The following PM20D2 variants were observed in gnomAD, a reference collection of about 807,000 sequenced individuals.
PM20D2 encodes peptidase M20 domain containing 2.
In PM20D2, 33 loss-of-function variants were observed where a neutral mutation model predicts 42.9. That is an observed-to-expected ratio of 0.77 (90% CI 0.58 to 1.03). The LOEUF is 1.03. Ranked by LOEUF, PM20D2 falls within the 50% of genes least tolerant of loss-of-function variation. PM20D2 has a pLI of 0.00. For missense variants in PM20D2, 548 were observed against 557.0 expected, an observed-to-expected ratio of 0.98 and a Z score of 0.16; for synonymous variants, 250 against 228.2, an observed-to-expected ratio of 1.10 and a Z score of -0.86.
At chr6:89,119,976 G>C in the PM20D2 span, among the ~76,000 whole-genome samples, 1 of 152,154 alleles carries the variant, frequency 6.6e-6, no homozygotes, top group Non-Finnish European at 1.5e-5. Flanking sequence ...ACATACCCAA[G>C]ACTGGGGAGG....
chr6:89,111,678 G>C, the PM20D2 span, among the ~76,000 whole-genome samples: 1 of 152,000 alleles, frequency 6.6e-6, no homozygotes, highest in African/African-American at 2.4e-5. Context: ...ATAAAACGTT[G>C]GCGGTTGTGA....
upstream of PM20D2, among the ~76,000 whole-genome samples, chr6:89,145,296 T>C (rs911177928): frequency 6.6e-6 from 1 of 152,342 alleles, no homozygotes; most frequent in Middle Eastern, 3.4e-3. Flanking sequence ...GCTGCACATA[T>C]CATGTTAGTG....
At chr6:89,139,679 G>C in the PM20D2 span, among the ~76,000 whole-genome samples, 2 of 152,122 alleles carry the variant, frequency 1.3e-5, no homozygotes, top group Admixed American at 1.3e-4. Context: ...CTGCACTCTG[G>C]CCCGCGTGGC....
At chr6:89,124,091 C>T in the PM20D2 span, among the ~76,000 whole-genome samples, 1 of 152,174 alleles carries the variant, frequency 6.6e-6, no homozygotes, top group African/African-American at 2.4e-5. Flanking sequence ...TTACTTTTGT[C>T]TGCGCAGGCT....
intron 2 of PM20D2, among the ~76,000 whole-genome samples, chr6:89,151,222 T>G (rs953700823): frequency 1.0e-4 from 15 of 147,456 alleles, no homozygotes; most frequent in Admixed American, 3.5e-4. Context: ...TAATCCACTT[T>G]TCTTAAAAAT....
the PM20D2 span, among the ~76,000 whole-genome samples, chr6:89,100,522 T>TAAAAAAA: frequency 6.9e-6 from 1 of 144,742 alleles, no homozygotes; most frequent in African/African-American, 2.5e-5. Flanking sequence ...CATGTTATGT[T>TAAAAAAA]AAAAAAAAAA....
At chr6:89,099,047 TA>T in the PM20D2 span, 2 of 1,356,462 alleles carry the variant, frequency 1.5e-6, no homozygotes, top group Non-Finnish European at 9.8e-7. Flanking sequence ...ACATTAGTTA[TA>T]TTTTTACTAG....
At chr6:89,149,167 C>A in intron 1 of PM20D2, 98 bp from the exon 2 acceptor site, 1 of 1,436,168 alleles carries the variant, frequency 7.0e-7, no homozygotes, top group Non-Finnish European at 9.5e-7. Flanking sequence ...AGGTTAAGGA[C>A]TTTAATGTAG....
At chr6:89,131,721 C>T in the PM20D2 span, among the ~76,000 whole-genome samples, 1,854 of 152,196 alleles carry the variant, frequency 0.012, 27 homozygotes, top group Non-Finnish European at 0.015. Context: ...AAAGTCTTCA[C>T]ACCACTGAGG....
chr6:89,108,521 C>T, the PM20D2 span, among the ~76,000 whole-genome samples: 1 of 152,198 alleles, frequency 6.6e-6, no homozygotes, highest in Non-Finnish European at 1.5e-5. Context: ...CACCCTACTG[C>T]TTCATGGTGC....
At chr6:89,152,927 A>G in intron 2 of PM20D2, 116 bp from the exon 3 acceptor site, 1 of 789,432 alleles carries the variant, frequency 1.3e-6, no homozygotes, top group South Asian at 2.3e-5. Context: ...TTTGCAAATC[A>G]AAAGTCCAGC....
chr6:89,117,913 T>C, the PM20D2 span: 15 of 1,553,624 alleles, frequency 9.7e-6, no homozygotes, highest in East Asian at 4.0e-4. Flanking sequence ...TCCCTCCGGG[T>C]CTGCCCGCGG....
At chr6:89,145,980 G>T, upstream of PM20D2, 1 of 516,962 alleles carries the variant, frequency 1.9e-6, no homozygotes, top group Non-Finnish European at 3.0e-6. Flanking sequence ...TTTCCCGCGC[G>T]GCGCCGGGGG....
chr6:89,159,697 G>A (rs1217937678), intron 5 of PM20D2, among the ~76,000 whole-genome samples: 1 of 152,204 alleles, frequency 6.6e-6, no homozygotes, highest in Non-Finnish European at 1.5e-5. Flanking sequence ...TAGGAAGGAG[G>A]TCAGGGAGTT....
In PM20D2 at chr6:89,162,727, T is replaced by C. The variant is rs1431696911; in HGVS notation, c.*464T>C. 2.0e-5 allele frequency: 3 copies of C among 152,716 alleles called. No individual in the cohort carries two copies. The highest frequency in any genetic ancestry group is 7.2e-5 in the African/African-American group (3 of 41,458). 9.5% of individuals were successfully genotyped at this position (152,716 alleles called of 1,614,324 possible). ...GTGGTAAACTTGTTCTCTAATCGTATATTAATTCCTCTACCAGATTGTATA... is the reference window on the plus strand; with the variant it reads ...GTGGTAAACTTGTTCTCTAATCGTACATTAATTCCTCTACCAGATTGTATA... On this transcript the variant is annotated 3_prime_UTR_variant, in exon 7 of 7. Coordinates refer to ENST00000275072, the MANE Select transcript of PM20D2 (RefSeq NM_001010853.3).
At chr6:89,101,586 G>A in the PM20D2 span, among the ~76,000 whole-genome samples, 1 of 152,006 alleles carries the variant, frequency 6.6e-6, no homozygotes, top group Admixed American at 6.6e-5. Context: ...GCTGGGTGTG[G>A]TGGCGGGAGG....
the PM20D2 span, chr6:89,099,021 T>C: frequency 6.9e-7 from 1 of 1,447,562 alleles, no homozygotes; most frequent in Admixed American, 2.5e-5. Context: ...TTTCAGGAAC[T>C]TACATACTTT....
chr6:89,141,514 C>T (rs1217972495), upstream of PM20D2, among the ~76,000 whole-genome samples: 4 of 152,070 alleles, frequency 2.6e-5, no homozygotes, highest in African/African-American at 9.6e-5. Flanking sequence ...TACAGGCGCC[C>T]GCCCCAACAC....
upstream of PM20D2, chr6:89,146,023 C>A (rs571449845): frequency 4.0e-4 from 336 of 849,300 alleles, 1 homozygote; most frequent in African/African-American, 5.5e-3. Context: ...GCCCTGGGAG[C>A]TGTGTGGCCG....
Sources: allele counts gnomAD v4.1 joint callset (sites outside exome capture counted in the v4.1 genomes callset), GRCh38; gene constraint gnomAD v4.1.1; transcripts MANE v1.5; gene names NCBI Gene and HGNC (gene_info 2026-07-23, HGNC 2026-07-21).